The following CLNK variants were observed in gnomAD, a reference collection of about 807,000 sequenced individuals.
CLNK encodes the protein cytokine-dependent hematopoietic cell linker.
CLNK carries 74 observed loss-of-function variants against 68.6 expected under a neutral mutation model. The ratio of observed to expected loss-of-function variants is 1.08; its 90% CI spans 0.89 to 1.31. The LOEUF is 1.31. CLNK is among the 50% of genes most tolerant of loss of function. The pLI, the probability that CLNK is intolerant of heterozygous loss-of-function variation, is 0.00. For missense variants in CLNK, 553 were observed against 515.3 expected (o/e 1.07, Z -0.71); for synonymous variants, 198 against 172.2 (o/e 1.15, Z -1.17).
At chr4:10,521,417 C>T (rs1718056772) in intron 14 of CLNK, among the ~76,000 whole-genome samples, 1 of 152,214 alleles carries the variant, frequency 6.6e-6, no homozygotes, top group Admixed American at 6.5e-5. Context: ...TTTCTTAGCA[C>T]TCTACTTAAT....
chr4:10,540,562 A>T lies in CLNK; in HGVS notation c.534T>A (p.Pro178=), dbSNP rs757569285. Residue 178 remains proline (P), a synonymous_variant, in exon 11 of 19, where the codon CCT becomes CCA. Transcript: ENST00000226951. ...AAGGTGGCCTGCTGCTCTCCGGCTC[A>T]GGGGGCAAGGGTTGGTACTTCTTCG... ...TLPKKYQPLP[P]EPESSRPPLS... is the part of the protein sequence containing the mutation. 1 of 1,613,866 alleles carries T rather than the reference A, an allele frequency of 6.2e-7. No homozygotes were observed. Among genetic ancestry groups the T allele is most frequent in the East Asian group, 2.2e-5 (1 of 44,872 alleles).
intron 1 of CLNK, among the ~76,000 whole-genome samples, chr4:10,682,841 A>G (rs1436578104): frequency 2.0e-5 from 3 of 152,216 alleles, no homozygotes; most frequent in African/African-American, 7.2e-5. Flanking sequence ...CCTACATTAC[A>G]TAGGGCTATA....
chr4:10,547,334 C>G (rs909119238), intron 8 of CLNK, among the ~76,000 whole-genome samples: 5 of 152,074 alleles, frequency 3.3e-5, no homozygotes, highest in African/African-American at 1.2e-4. Flanking sequence ...CATAGAAGAG[C>G]TTTACATATT....
chr4:10,707,523 C>T, the CLNK span, among the ~76,000 whole-genome samples: 1 of 152,338 alleles, frequency 6.6e-6, no homozygotes, highest in Middle Eastern at 3.4e-3. Context: ...CCTTTTTAGG[C>T]TGAACCAATG....
chr4:10,556,846 G>C (rs1359731359), intron 8 of CLNK, among the ~76,000 whole-genome samples: 1 of 152,106 alleles, frequency 6.6e-6, no homozygotes, highest in Non-Finnish European at 1.5e-5. Flanking sequence ...GGGAGGCCGA[G>C]GTGGGCAGAT....
At chr4:10,594,360 A>G (rs1449168731) in intron 3 of CLNK, among the ~76,000 whole-genome samples, 1 of 152,188 alleles carries the variant, frequency 6.6e-6, no homozygotes, top group Non-Finnish European at 1.5e-5. Context: ...ATTCAAGCCC[A>G]GGGGCCTCTC....
Position 10,508,012 on chromosome 4 carries a change from T to C in CLNK, c.931A>G (p.Ile311Val), listed in dbSNP as rs1717384985. Residue 311 changes from isoleucine to valine, a missense_variant, in exon 17 of 19, where the codon ATT (isoleucine) becomes GTT (valine). Ile to Val is a conservative substitution (Grantham distance 29). Coordinates refer to ENST00000226951, the MANE Select transcript of CLNK (RefSeq NM_052964.4). The part of the protein sequence containing the change: ...RKDVQHNEWY[I>V]GEYSRQAVEE... Reference sequence around the variant, plus strand: ...ACTGCCTGGCGGCTGTATTCTCCAATGTACCATTCATTGTGCTGGACATCC... The same window carrying C: ...ACTGCCTGGCGGCTGTATTCTCCAACGTACCATTCATTGTGCTGGACATCC... 4 of 1,611,520 alleles carry C rather than the reference T, an allele frequency of 2.5e-6. No individual in the cohort carries two copies. Among genetic ancestry groups the C allele is most frequent in the Non-Finnish European group, 3.4e-6 (4 of 1,178,866 alleles).
At chr4:10,527,933 A>G (rs376670106) in intron 13 of CLNK, 143 bp downstream of exon 13, 4 of 388,568 alleles carry the variant, frequency 1.0e-5, no homozygotes, top group Non-Finnish European at 4.6e-6. Flanking sequence ...GTGCATCAGG[A>G]TCACGTCATC....
chr4:10,696,109 G>A, the CLNK span, among the ~76,000 whole-genome samples: 1 of 152,246 alleles, frequency 6.6e-6, no homozygotes, highest in Middle Eastern at 3.4e-3. Context: ...ACCCACCTCG[G>A]CCTCCCAAAG....
intron 6 of CLNK, among the ~76,000 whole-genome samples, chr4:10,565,267 G>T (rs1051874488): frequency 6.6e-6 from 1 of 152,206 alleles, no homozygotes; most frequent in African/African-American, 2.4e-5. Flanking sequence ...CGTAGTAGAT[G>T]CTCAATGAAT....
At chr4:10,699,488 C>CTA in the CLNK span, among the ~76,000 whole-genome samples, 10 of 55,032 alleles carry the variant, frequency 1.8e-4, no homozygotes, top group East Asian at 2.5e-3. Context: ...CTCTCTCTCT[C>CTA]TCTCTCTATA....
chr4:10,699,219 C>CGT, the CLNK span, among the ~76,000 whole-genome samples: 2,829 of 108,484 alleles, frequency 0.026, 982 homozygotes, highest in Middle Eastern at 0.052. Context: ...ATACACACCA[C>CGT]ATATGTGTGT....
intron 12 of CLNK, chr4:10,531,791 A>G (rs1308002992): frequency 8.7e-6 from 4 of 457,174 alleles, no homozygotes; most frequent in Non-Finnish European, 1.3e-5. Flanking sequence ...GAGTAAGAGC[A>G]TTTTCTGAAG....
chr4:10,538,138 GAC>G (rs962653404), intron 11 of CLNK, among the ~76,000 whole-genome samples: 18 of 152,042 alleles, frequency 1.2e-4, no homozygotes, highest in African/African-American at 3.4e-4. Context: ...ATTTTTTTGA[GAC>G]AGTCTCTCTC....
chr4:10,528,767 T>C (rs1445413473), intron 12 of CLNK, among the ~76,000 whole-genome samples: 1 of 152,232 alleles, frequency 6.6e-6, no homozygotes, highest in Non-Finnish European at 1.5e-5. Context: ...TGATAAACTA[T>C]TAAAGGTTGT....
At position 10,503,394 on chromosome 4, in the gene CLNK, G is replaced by A. The variant is rs577377711; in HGVS notation, c.985-1983C>T. ...GGAGAATCGCTTGGACCCAGGAGGC[G>A]GAGGTTGCAGTGAGCCGAGATCATG... On this transcript the variant is annotated intron_variant, in intron 17 of 18. Transcript: ENST00000226951. Among the ~76,000 whole-genome samples the A allele has an allele frequency of 1.6e-3, 236 of 151,426 alleles. 2 individuals carry two copies. The highest frequency in any genetic ancestry group is 4.7e-3 in the African/African-American group (196 of 41,290).
At chr4:10,690,081 C>G in the CLNK span, among the ~76,000 whole-genome samples, 3 of 152,144 alleles carry the variant, frequency 2.0e-5, no homozygotes, top group Non-Finnish European at 4.4e-5. Context: ...TGGTCTATGG[C>G]ATGAGTTAGA....
chr4:10,702,399 C>T, the CLNK span, among the ~76,000 whole-genome samples: 1 of 151,934 alleles, frequency 6.6e-6, no homozygotes, highest in Non-Finnish European at 1.5e-5. Flanking sequence ...AAGGAAACAC[C>T]TAAGATCAAG....
At chr4:10,580,009 T>A (rs1216032992) in intron 4 of CLNK, among the ~76,000 whole-genome samples, 1 of 152,198 alleles carries the variant, frequency 6.6e-6, no homozygotes, top group Non-Finnish European at 1.5e-5. Flanking sequence ...CAAATCCCCC[T>A]CCATCTCTGT....
Sources: gnomAD v4.1 joint callset for allele counts (sites outside exome capture counted in the v4.1 genomes callset) on GRCh38, gnomAD v4.1.1 for gene constraint, MANE v1.5 for transcripts, NCBI Gene and HGNC (gene_info 2026-07-23, HGNC 2026-07-21) for gene names.